The following MCTP2 variants were observed in gnomAD, a reference collection of about 807,000 sequenced individuals.
MCTP2 encodes the protein multiple C2 and transmembrane domain containing 2.
MCTP2 carries 132 observed loss-of-function variants against 111.6 expected under a neutral mutation model. The ratio of observed to expected loss-of-function variants is 1.18; its 90% CI spans 1.03 to 1.37. The LOEUF (loss-of-function observed/expected upper bound fraction) is 1.37. MCTP2 is among the 40% of genes most tolerant of loss of function. The pLI is 0.00. For missense variants in MCTP2, 1,183 were observed against 1,067.9 expected, an observed-to-expected ratio of 1.11 and a Z score of -1.50; for synonymous variants, 395 against 387.7, an observed-to-expected ratio of 1.02 and a Z score of -0.22.
intron 1 of MCTP2, among the ~76,000 whole-genome samples, chr15:94,285,613 G>T (rs1239648184): frequency 6.6e-6 from 1 of 152,190 alleles, no homozygotes; most frequent in South Asian, 2.1e-4. Context: ...GGGCAAGATA[G>T]TAACTGTAAA....
chr15:94,454,601 G>GAA (rs112572523), intron 19 of MCTP2, among the ~76,000 whole-genome samples: 1 of 146,994 alleles, frequency 6.8e-6, no homozygotes, highest in Non-Finnish European at 1.5e-5. Flanking sequence ...CTCTTTTGTG[G>GAA]AAAAAAAAAA....
chr15:94,286,812 G>A (rs1257520934), intron 1 of MCTP2, among the ~76,000 whole-genome samples: 1 of 152,172 alleles, frequency 6.6e-6, no homozygotes, highest in Non-Finnish European at 1.5e-5. Flanking sequence ...TCGGCTTGGG[G>A]CCATTTCCTG....
At chr15:94,404,505 T>C (rs2081796426) in intron 17 of MCTP2, among the ~76,000 whole-genome samples, 1 of 152,080 alleles carries the variant, frequency 6.6e-6, no homozygotes, top group Non-Finnish European at 1.5e-5. Context: ...TTTCGTCATA[T>C]TGGCCAGGCT....
intron 1 of MCTP2, among the ~76,000 whole-genome samples, chr15:94,259,875 G>A (rs534388969): frequency 6.6e-6 from 1 of 152,238 alleles, no homozygotes; most frequent in Admixed American, 6.5e-5. Flanking sequence ...GTAAACTATT[G>A]TTATTGTTTG....
At chr15:94,446,615 C>T (rs955664009) in intron 19 of MCTP2, among the ~76,000 whole-genome samples, 2 of 152,154 alleles carry the variant, frequency 1.3e-5, no homozygotes, top group African/African-American at 4.8e-5. Flanking sequence ...GAGTTTCTTT[C>T]TTTTTCCAGC....
intron 17 of MCTP2, among the ~76,000 whole-genome samples, chr15:94,430,388 A>C (rs1270591820): frequency 8.9e-6 from 1 of 112,312 alleles, no homozygotes; most frequent in Non-Finnish European, 1.8e-5. Flanking sequence ...AAAACCCAAA[A>C]ACAATCACAC....
In MCTP2 at chr15:94,298,181, T is replaced by G; in HGVS notation, c.-65-20T>G. On this transcript the variant is annotated intron_variant, in intron 1 of 22. Coordinates refer to ENST00000357742, the MANE Select transcript of MCTP2 (RefSeq NM_001385001.1). Reference sequence around the variant, plus strand: ...TTTTTTTTGTTTGTTTGTTTTTTGTTGTTTTTTTCTGTTTTATAGGAGTCA... The same window carrying G: ...TTTTTTTTGTTTGTTTGTTTTTTGTGGTTTTTTTCTGTTTTATAGGAGTCA... The G allele has an allele frequency of 1.0e-6, 1 of 999,534 alleles. No individual in the cohort carries two copies. Among genetic ancestry groups the G allele is most frequent in the Admixed American group, 2.8e-5 (1 of 35,498 alleles). The allele number at this position is 999,534 out of a possible 1,614,324, so 61.9% of individuals were successfully genotyped here.
At chr15:94,402,601 A>C in intron 17 of MCTP2, 1 of 1,551,150 alleles carries the variant, frequency 6.4e-7, no homozygotes. Flanking sequence ...GAGATCTTAA[A>C]ACCACCTAAG....
At chr15:94,435,392 A>G (rs948264402) in intron 17 of MCTP2, among the ~76,000 whole-genome samples, 1 of 152,096 alleles carries the variant, frequency 6.6e-6, no homozygotes, top group Non-Finnish European at 1.5e-5. Context: ...ATTTTATTCT[A>G]AAATACTGTG....
chr15:94,388,010 G>A (rs566901533), intron 14 of MCTP2, among the ~76,000 whole-genome samples: 2 of 152,306 alleles, frequency 1.3e-5, no homozygotes, highest in South Asian at 4.1e-4. Flanking sequence ...GTGTGCCTGT[G>A]GCGAACAGGA....
chr15:94,457,852 G>A (rs1385644562), intron 19 of MCTP2, among the ~76,000 whole-genome samples: 2 of 152,138 alleles, frequency 1.3e-5, no homozygotes, highest in African/African-American at 4.8e-5. Flanking sequence ...GAGGGACGCG[G>A]CAGCCTCCAC....
chr15:94,239,690 C>G (rs910784800), intron 1 of MCTP2, among the ~76,000 whole-genome samples: 1 of 152,214 alleles, frequency 6.6e-6, no homozygotes, highest in Non-Finnish European at 1.5e-5. Context: ...ATTTCTTTCA[C>G]TCCCTTAAGC....
At chr15:94,451,433 C>T (rs558565289) in intron 19 of MCTP2, among the ~76,000 whole-genome samples, 7 of 152,242 alleles carry the variant, frequency 4.6e-5, no homozygotes, top group Non-Finnish European at 1.0e-4. Context: ...ACATTTGTAA[C>T]GAGAAGTGAT....
In MCTP2 at chr15:94,474,271, T is replaced by G. The variant is rs535925617; in HGVS notation, c.2471-2425T>G. Among the ~76,000 whole-genome samples the G allele has an allele frequency of 1.3e-4, 20 of 152,288 alleles. No homozygotes were observed. The South Asian group carries it at 3.9e-3, about 30-fold the overall frequency. ...TAATAGTATTAAAGGCTCTTTTCCA[T>G]GCTCACTTCCTTTGTCTCCTTAGCT... On this transcript the variant is annotated intron_variant, in intron 21 of 22. Coordinates refer to ENST00000357742, the MANE Select transcript of MCTP2 (RefSeq NM_001385001.1).
At chr15:94,458,658 C>G (rs72647778) in intron 20 of MCTP2, among the ~76,000 whole-genome samples, 11,637 of 152,074 alleles carry the variant, frequency 0.077, 612 homozygotes, top group Middle Eastern at 0.17. Flanking sequence ...CTCCAATTCT[C>G]CAAAGAAAGA....
intron 1 of MCTP2, among the ~76,000 whole-genome samples, chr15:94,251,682 A>G (rs2072443817): frequency 6.6e-6 from 1 of 152,154 alleles, no homozygotes; most frequent in Admixed American, 6.5e-5. Flanking sequence ...TTAAGTATAC[A>G]GTTCAGTGAC....
intron 17 of MCTP2, among the ~76,000 whole-genome samples, chr15:94,414,811 A>G (rs8038791): frequency 0.13 from 19,913 of 152,182 alleles, 1,711 homozygotes; most frequent in Non-Finnish European, 0.19. Context: ...ATGATCATCT[A>G]ATGACCTATG....
At chr15:94,242,030 C>T (rs944189016) in intron 1 of MCTP2, among the ~76,000 whole-genome samples, 9 of 152,100 alleles carry the variant, frequency 5.9e-5, no homozygotes, top group African/African-American at 2.2e-4. Flanking sequence ...AGAAAAGGTT[C>T]CAAATTATTC....
At chr15:94,272,123 C>A (rs909137726) in intron 1 of MCTP2, among the ~76,000 whole-genome samples, 4 of 152,196 alleles carry the variant, frequency 2.6e-5, no homozygotes, top group African/African-American at 9.7e-5. Flanking sequence ...AGAGATCCAT[C>A]TGTGTGGTTT....
Sources: allele counts gnomAD v4.1 joint callset (sites outside exome capture counted in the v4.1 genomes callset), GRCh38; gene constraint gnomAD v4.1.1; transcripts MANE v1.5; gene names NCBI Gene and HGNC (gene_info 2026-07-23, HGNC 2026-07-21).